The following MTAP variants were observed in gnomAD, a reference collection of about 807,000 sequenced individuals.
The protein encoded by MTAP is methylthioadenosine phosphorylase, also known as S-methyl-5'-thioadenosine phosphorylase.
A neutral mutation model predicts 33.6 loss-of-function variants in MTAP; 33 were observed. The observed-to-expected ratio is 0.98, with a 90% CI of 0.74 to 1.31. The LOEUF is 1.31. Among genes scored for constraint, MTAP ranks in the 40% most tolerant of loss-of-function variants. The pLI, the probability that MTAP is intolerant of heterozygous loss-of-function variation, is 0.00. For missense variants in MTAP, 367 were observed against 360.0 expected, an observed-to-expected ratio of 1.02 and a Z score of -0.16; for synonymous variants, 148 against 125.7, an observed-to-expected ratio of 1.18 and a Z score of -1.19.
intron 3 of MTAP, among the ~76,000 whole-genome samples, chr9:21,817,087 C>T (rs1824494452): frequency 6.6e-6 from 1 of 152,058 alleles, no homozygotes; most frequent in Non-Finnish European, 1.5e-5. Context: ...TAAAGAAAAA[C>T]AATGCATCAT....
At chr9:21,802,985 AACACACAC>A (rs753392319) in intron 1 of MTAP, 15,507 of 443,904 alleles carry the variant, frequency 0.035, 172 homozygotes, top group East Asian at 0.086. Flanking sequence ...CCGCACCGCC[AACACACAC>A]ACACACACAC....
At chr9:21,817,314 C>T (rs1452226120) in intron 3 of MTAP, among the ~76,000 whole-genome samples, 1 of 152,062 alleles carries the variant, frequency 6.6e-6, no homozygotes, top group Non-Finnish European at 1.5e-5. Context: ...ACAAATTTAG[C>T]AGCTTAAAAT....
At chr9:21,867,118 G>A (rs1361869509), downstream of MTAP, 1 of 151,956 alleles carries the variant, frequency 6.6e-6, no homozygotes. Flanking sequence ...AGTGCCTTAG[G>A]GATACCTTGT....
intron 5 of MTAP, among the ~76,000 whole-genome samples, chr9:21,846,433 C>T (rs563999748): frequency 5.3e-5 from 8 of 151,236 alleles, no homozygotes; most frequent in East Asian, 1.9e-4. Flanking sequence ...AAAAAAAGGT[C>T]GCTAAGTACA....
In MTAP at chr9:21,831,943, G is replaced by T. The variant is rs145476732; in HGVS notation, c.348-5965G>T. Among the ~76,000 whole-genome samples, 3 of 152,170 alleles carry T rather than the reference G, an allele frequency of 2.0e-5. No homozygotes were observed. In the East Asian group the frequency reaches 5.8e-4, roughly 29 times the overall value. ...TGTGTTTGGGTTATGCCTTCTCAAA[G>T]AATGCAGTGGAAGAATCTCAGCTTA... On this transcript the variant is annotated intron_variant, in intron 4 of 7. Coordinates refer to ENST00000644715, the MANE Select transcript of MTAP (RefSeq NM_002451.4).
chr9:21,908,235 A>G (rs79896066), intron 1 of MTAP, among the ~76,000 whole-genome samples: 3,414 of 152,046 alleles, frequency 0.022, 132 homozygotes, highest in African/African-American at 0.075. Context: ...ACATTTTGGG[A>G]TTGACTTTTT....
At chr9:21,924,120 A>G (rs1045863776) in intron 1 of MTAP, among the ~76,000 whole-genome samples, 7 of 152,204 alleles carry the variant, frequency 4.6e-5, no homozygotes, top group Admixed American at 4.6e-4. Flanking sequence ...ATGAGATGGG[A>G]CACAGGTTTG....
At chr9:21,937,313 T>G (rs573852844) in exon 8 of MTAP, 6 of 151,874 alleles carry the variant, frequency 4.0e-5, no homozygotes, top group Non-Finnish European at 7.4e-5. Context: ...CACTCCAGCC[T>G]GGCGACACAG....
chr9:21,849,730 A>G (rs1397467966), intron 5 of MTAP, among the ~76,000 whole-genome samples: 1 of 152,234 alleles, frequency 6.6e-6, no homozygotes, highest in African/African-American at 2.4e-5. Flanking sequence ...CCACATCCCC[A>G]TTTATCTCTC....
chr9:21,920,255 C>G (rs79695656), intron 1 of MTAP, among the ~76,000 whole-genome samples: 2 of 152,044 alleles, frequency 1.3e-5, no homozygotes, highest in Non-Finnish European at 2.9e-5. Context: ...TAGCCCATGA[C>G]CAGAGAGAGC....
intron 1 of MTAP, among the ~76,000 whole-genome samples, chr9:21,918,637 T>A (rs1344193402): frequency 6.6e-6 from 1 of 152,182 alleles, no homozygotes; most frequent in Non-Finnish European, 1.5e-5. Flanking sequence ...TCCCCACATG[T>A]CATGGAAGGG....
rs1011036373 is a variant in MTAP at position 21,823,472 on chromosome 9, C to T, written c.347+5270C>T. ...CTCTTCTGGCTTGTAGAGTTTCTGC[C>T]GAGAGATCTGCTTTTAGTCTGATGG... On this transcript the variant is annotated intron_variant, in intron 4 of 7. Transcript: ENST00000644715. 1.8e-4 allele frequency among the ~76,000 whole-genome samples: 27 copies of T among 152,248 alleles called. 1 individual carries two copies. Among genetic ancestry groups the T allele is most frequent in the East Asian group, 5.8e-4 (3 of 5,188 alleles).
In MTAP at chr9:21,804,887, G is replaced by A. The variant is rs150872965; in HGVS notation, c.33+2106G>A. The stretch of plus-strand genomic sequence containing the variant: ...TGGCATTCCACCAACTAGATGTGAG[G>A]CATTTCTGAAATCTGAAGTGTGGTC... On this transcript the variant is annotated intron_variant, in intron 1 of 7. Transcript: ENST00000644715. Among the ~76,000 whole-genome samples, 1,252 of 152,298 alleles carry A rather than the reference G, an allele frequency of 8.2e-3. 18 individuals are homozygous for A. The highest frequency in any genetic ancestry group is 0.055 in the South Asian group (266 of 4,822).
chr9:21,885,117 T>C (rs1387009036), intron 1 of MTAP, among the ~76,000 whole-genome samples: 1 of 152,196 alleles, frequency 6.6e-6, no homozygotes, highest in African/African-American at 2.4e-5. Context: ...TATATAAATT[T>C]TATGTGCTTT....
chr9:21,930,573 GA>G (rs1239148184), intron 1 of MTAP: 1 of 321,026 alleles, frequency 3.1e-6, no homozygotes, highest in Non-Finnish European at 5.6e-6. Flanking sequence ...TAAACTGCCG[GA>G]ATCTCAAAAG....
At chr9:21,826,267 A>G (rs1305594717) in intron 4 of MTAP, among the ~76,000 whole-genome samples, 2 of 150,142 alleles carry the variant, frequency 1.3e-5, no homozygotes, top group Non-Finnish European at 3.0e-5. Context: ...CTATTGTCTC[A>G]TGAACTTTTT....
In MTAP at chr9:21,859,407, A is replaced by AAC; in HGVS notation, c.796_797dup (p.Leu267ProfsTer5). ...AGATAGGGTCCACAGAATGGTCAGA[A>AAC]ACCCTCCATAACCTGAAGGTAAGTG... On this transcript the variant is annotated frameshift_variant, in exon 7 of 8. Coordinates refer to ENST00000644715, the MANE Select transcript of MTAP (RefSeq NM_002451.4). LOFTEE classifies it high-confidence loss of function. 1 of 1,611,790 alleles carries AAC rather than the reference A, an allele frequency of 6.2e-7. No individual in the cohort carries two copies. Among genetic ancestry groups the AAC allele is most frequent in the South Asian group, 1.1e-5 (1 of 90,490 alleles).
chr9:21,833,220 C>T (rs917748517), intron 4 of MTAP, among the ~76,000 whole-genome samples: 3 of 152,122 alleles, frequency 2.0e-5, no homozygotes, highest in Admixed American at 6.6e-5. Flanking sequence ...CAAGATCTCA[C>T]TCTCGCCCAA....
At chr9:21,911,944 G>A (rs1818585063) in intron 1 of MTAP, among the ~76,000 whole-genome samples, 1 of 152,094 alleles carries the variant, frequency 6.6e-6, no homozygotes, top group African/African-American at 2.4e-5. Context: ...ACTGATAAAG[G>A]GAGTATCAAG....
Sources: gnomAD v4.1 joint callset for allele counts (sites outside exome capture counted in the v4.1 genomes callset) on GRCh38, gnomAD v4.1.1 for gene constraint, MANE v1.5 for transcripts, NCBI Gene and HGNC (gene_info 2026-07-23, HGNC 2026-07-21) for gene names.